The following MRPL11 variants were observed in gnomAD, a reference collection of about 807,000 sequenced individuals.
MRPL11 encodes mitochondrial ribosomal protein L11, also known as large ribosomal subunit protein uL11m.
Under a neutral mutation model 19.1 loss-of-function variants are expected in MRPL11, and 21 were observed. The ratio of observed to expected loss-of-function variants is 1.10; its 90% CI spans 0.78 to 1.58. MRPL11 has a LOEUF of 1.58. Ranked by LOEUF, MRPL11 falls within the 40% of genes most tolerant of loss-of-function variation. MRPL11 has a pLI of 0.00. For missense variants in MRPL11, 242 were observed against 243.9 expected (o/e 0.99, Z 0.05); for synonymous variants, 108 against 99.7 (o/e 1.08, Z -0.49).
chr11:66,438,521 G>A (rs1565248284), intron 1 of MRPL11, 111 bp downstream of exon 1: 3 of 1,394,720 alleles, frequency 2.2e-6, no homozygotes, highest in Non-Finnish European at 1.9e-6. Flanking sequence ...GAGAAGCAGA[G>A]CCGAGCTCTG....
chr11:66,437,319 C>A (rs1857000571), intron 3 of MRPL11, 31 bp downstream of exon 3: 1 of 1,614,184 alleles, frequency 6.2e-7, no homozygotes, highest in Admixed American at 1.7e-5. Context: ...CTGGAGCCCC[C>A]AGAATCTCAG....
Position 66,438,629 on chromosome 11 carries a change from C to T in MRPL11, c.123+3G>A, listed in dbSNP as rs1476491028. On this transcript the variant is annotated splice_donor_region_variant and intron_variant, in intron 1 of 4. Transcript: ENST00000310999. Reference sequence around the variant, plus strand: ...CCACGTCGGGTTCCCGCCACGGCCGCACCTGACCCAGCACTGGGCCTAGTG... The same window carrying T: ...CCACGTCGGGTTCCCGCCACGGCCGTACCTGACCCAGCACTGGGCCTAGTG... 6.6e-7 allele frequency: 1 copy of T among 1,514,128 alleles called. No homozygotes were observed. The highest frequency in any genetic ancestry group is 8.8e-7 in the Non-Finnish European group (1 of 1,130,842). 93.8% of individuals were successfully genotyped at this position (1,514,128 alleles called of 1,614,324 possible).
chr11:66,438,651 A>C lies in MRPL11; in HGVS notation c.104T>G (p.Leu35Arg), dbSNP rs2134663970. The change falls in exon 1 of 5, where the codon CTA becomes CGA. Residue 35 changes from leucine (L) to arginine (R), a missense_variant. Leu to Arg is a moderately radical substitution (Grantham distance 102). Coordinates refer to ENST00000310999, the MANE Select transcript of MRPL11 (RefSeq NM_016050.5). ...RAGLAMPGPP[L>R]GPVLGQRGVS... The stretch of plus-strand genomic sequence containing the variant: ...CCGCACCTGACCCAGCACTGGGCCT[A>C]GTGGGGGCCCGGGCATGGCCAGGCC... 9 of 1,555,938 alleles carry C rather than the reference A, an allele frequency of 5.8e-6. No individual in the cohort carries two copies. The highest frequency in any genetic ancestry group is 7.8e-6 in the Non-Finnish European group (9 of 1,149,046).
In MRPL11 at chr11:66,438,616, C is replaced by A; in HGVS notation, c.123+16G>T. ...TCCTAGACAACCCCCACGTCGGGTTCCCGCCACGGCCGCACCTGACCCAGC... is the reference window on the plus strand; with the variant it reads ...TCCTAGACAACCCCCACGTCGGGTTACCGCCACGGCCGCACCTGACCCAGC... On this transcript the variant is annotated intron_variant, in intron 1 of 4. Coordinates refer to ENST00000310999, the MANE Select transcript of MRPL11 (RefSeq NM_016050.5). The A allele has an allele frequency of 6.7e-7, 1 of 1,495,118 alleles. No individual in the cohort carries two copies. Among genetic ancestry groups the A allele is most frequent in the Non-Finnish European group, 8.9e-7 (1 of 1,122,192 alleles). The allele number at this position is 1,495,118 out of a possible 1,614,324, so 92.6% of individuals were successfully genotyped here.
chr11:66,438,657 G>A lies in MRPL11; in HGVS notation c.98C>T (p.Pro33Leu), dbSNP rs771124040. ...IVRAGLAMPG[P>L]PLGPVLGQRG... ...CTGACCCAGCACTGGGCCTAGTGGG[G>A]GCCCGGGCATGGCCAGGCCTGCCCG... Residue 33 changes from proline to leucine, a missense_variant, in exon 1 of 5, where the codon CCC becomes CTC. Physicochemically the swap from Pro to Leu is moderately conservative, Grantham distance 98 (BLOSUM62 -3). Coordinates refer to ENST00000310999, the MANE Select transcript of MRPL11 (RefSeq NM_016050.5). The A allele has an allele frequency of 1.9e-6, 3 of 1,560,312 alleles. No homozygotes were observed. The highest frequency in any genetic ancestry group is 2.6e-6 in the Non-Finnish European group (3 of 1,150,916).
chr11:66,436,064 G>C lies in MRPL11; in HGVS notation c.522C>G (p.Phe174Leu), dbSNP rs1856961405. The change falls in exon 5 of 5, where the codon TTC becomes TTG. Residue 174 changes from phenylalanine to leucine, a missense_variant. Transcript: ENST00000310999. Reference sequence around the variant, plus strand: ...AATCTGCCTCCTTCTGAGCAGCCAGGAAGATGGCTCGTTCCTTCTGGAAAG... The same window carrying C: ...AATCTGCCTCCTTCTGAGCAGCCAGCAAGATGGCTCGTTCCTTCTGGAAAG... ...LAAFQKERAI[F>L]LAAQKEADLA... The C allele has an allele frequency of 6.2e-7, 1 of 1,613,948 alleles. No individual in the cohort carries two copies. Among genetic ancestry groups the C allele is most frequent in the African/African-American group, 1.3e-5 (1 of 74,926 alleles).
intron 4 of MRPL11, 115 bp from the exon 5 acceptor site, chr11:66,436,227 T>A: frequency 1.3e-6 from 1 of 759,790 alleles, no homozygotes; most frequent in Non-Finnish European, 2.2e-6. Flanking sequence ...CCAGCTTGCC[T>A]GGCCCCTTCT....
At chr11:66,437,700 C>T (rs1226664783) in intron 2 of MRPL11, among the ~76,000 whole-genome samples, 2 of 152,166 alleles carry the variant, frequency 1.3e-5, no homozygotes, top group South Asian at 4.1e-4. Context: ...TGGTGAAACC[C>T]CATCTCTACT....
In MRPL11 at chr11:66,436,065, A is replaced by G. The variant is rs1402249259; in HGVS notation, c.521T>C (p.Phe174Ser). 1 of 1,614,074 alleles carries G rather than the reference A, an allele frequency of 6.2e-7. No individual in the cohort carries two copies. The highest frequency in any genetic ancestry group is 1.3e-5 in the African/African-American group (1 of 75,050). ...LAAFQKERAI[F>S]LAAQKEADLA... ...ATCTGCCTCCTTCTGAGCAGCCAGG[A>G]AGATGGCTCGTTCCTTCTGGAAAGC... Residue 174 changes from phenylalanine to serine, a missense_variant, in exon 5 of 5, where the codon TTC (phenylalanine) becomes TCC (serine). By Grantham distance (155) the Phe-to-Ser change is radical (BLOSUM62 -2). Coordinates refer to ENST00000310999, the MANE Select transcript of MRPL11 (RefSeq NM_016050.5).
rs1342508521 is a variant in MRPL11 at position 66,435,516 on chromosome 11, T to C, written c.*491A>G. The C allele has an allele frequency of 1.3e-5, 2 of 153,374 alleles. No individual in the cohort carries two copies. The highest frequency in any genetic ancestry group is 6.5e-5 in the Admixed American group (1 of 15,452). 9.5% of individuals were successfully genotyped at this position (153,374 alleles called of 1,614,324 possible). On this transcript the variant is annotated 3_prime_UTR_variant, in exon 5 of 5. Coordinates refer to ENST00000310999, the MANE Select transcript of MRPL11 (RefSeq NM_016050.5). The stretch of plus-strand genomic sequence containing the variant: ...AGTTGTTCAGAGATAAAAGAGATTT[T>C]TGATGGAAGAAGTAAGCAATACACC...
rs758285160 is a variant in MRPL11 at position 66,437,215 on chromosome 11, G to A, written c.362C>T (p.Ala121Val). Reference sequence around the variant, plus strand: ...TGCCTCATCCTGAGCTTTGATGCGGGCAATCTCATACACATGCTTCAAGGT... The same window carrying A: ...TGCCTCATCCTGAGCTTTGATGCGGACAATCTCATACACATGCTTCAAGGT... Reference protein sequence around the residue: ...LVTLKHVYEIARIKAQDEAFA... With the variant: ...LVTLKHVYEIVRIKAQDEAFA... The change falls in exon 4 of 5, where the codon GCC (alanine) becomes GTC (valine). Residue 121 changes from alanine to valine, a missense_variant. Coordinates refer to ENST00000310999, the MANE Select transcript of MRPL11 (RefSeq NM_016050.5). 13 of 1,614,194 alleles carry A rather than the reference G, an allele frequency of 8.1e-6. No individual in the cohort carries two copies. Among genetic ancestry groups the A allele is most frequent in the Non-Finnish European group, 1.1e-5 (13 of 1,180,032 alleles).
intron 4 of MRPL11, 95 bp from the exon 5 acceptor site, chr11:66,436,207 G>T: frequency 9.9e-7 from 1 of 1,008,372 alleles, no homozygotes; most frequent in Non-Finnish European, 1.5e-6. Context: ...AGGGGCCCCT[G>T]TCTCCAAGCC....
chr11:66,438,798 G>C lies in MRPL11; in HGVS notation c.-44C>G, dbSNP rs1857046471. On this transcript the variant is annotated 5_prime_UTR_variant, in exon 1 of 5. Transcript: ENST00000310999. ...TCAGTTCACCTCAGGGGAGCAGCAA[G>C]AGCGAAGCTCTGGGCGCCACCATCT... 18 of 1,446,404 alleles carry C rather than the reference G, an allele frequency of 1.2e-5. No individual in the cohort carries two copies. The highest frequency in any genetic ancestry group is 1.6e-5 in the Non-Finnish European group (17 of 1,093,016). 89.6% of individuals were successfully genotyped at this position (1,446,404 alleles called of 1,614,324 possible).
Position 66,438,247 on chromosome 11 carries a change from T to C in MRPL11, c.136A>G (p.Ile46Val), listed in dbSNP as rs1857027961. Residue 46 changes from isoleucine (I) to valine (V), a missense_variant, in exon 2 of 5, where the codon ATC becomes GTC. Transcript: ENST00000310999. ...GPVLGQRGVS[I>V]NQFCKEFNER... ...TTGAACTCCTTGCAAAACTGGTTGA[T>C]GGAAACGCCTCTCTGTGAGGGAAGC... 7 of 1,613,698 alleles carry C rather than the reference T, an allele frequency of 4.3e-6. No homozygotes were observed. The highest frequency in any genetic ancestry group is 5.9e-6 in the Non-Finnish European group (7 of 1,179,636).
At position 66,437,235 on chromosome 11, in the gene MRPL11, C is replaced by T. The variant is rs757511575; in HGVS notation, c.342G>A (p.Leu114=). 11 of 1,614,058 alleles carry T rather than the reference C, an allele frequency of 6.8e-6. No homozygotes were observed. In the African/African-American group the frequency reaches 1.3e-4, roughly 20 times the overall value. The stretch of plus-strand genomic sequence containing the variant: ...TGCGGGCAATCTCATACACATGCTT[C>T]AAGGTCACCAGGCCTGCCACCTCTT... ...TGKEVAGLVT[L]KHVYEIARIK... is the part of the protein sequence containing the mutation. Residue 114 remains leucine, a synonymous_variant, in exon 4 of 5, where the codon TTG becomes TTA. Transcript: ENST00000310999.
In MRPL11 at chr11:66,438,691, C is replaced by T. The variant is rs750219652; in HGVS notation, c.64G>A (p.Ala22Thr). The T allele has an allele frequency of 6.9e-6, 11 of 1,584,582 alleles. No homozygotes were observed. The highest frequency in any genetic ancestry group is 9.4e-6 in the Non-Finnish European group (11 of 1,164,110). The stretch of plus-strand genomic sequence containing the variant: ...ATGGCCAGGCCTGCCCGCACGATCG[C>T]CCGGATCACACCGCCGACCTCGGGC... ...RKPEVGGVIR[A>T]IVRAGLAMPG... Residue 22 changes from alanine to threonine, a missense_variant, in exon 1 of 5, where the codon GCG (alanine) becomes ACG (threonine). Coordinates refer to ENST00000310999, the MANE Select transcript of MRPL11 (RefSeq NM_016050.5).
At chr11:66,437,317 C>T (rs1590703296) in intron 3 of MRPL11, 33 bp downstream of exon 3, 1 of 1,613,998 alleles carries the variant, frequency 6.2e-7, no homozygotes, top group Non-Finnish European at 8.5e-7. Context: ...TTCTGGAGCC[C>T]CCAGAATCTC....
chr11:66,436,478 T>A (rs1028026109), intron 4 of MRPL11, among the ~76,000 whole-genome samples: 3 of 151,780 alleles, frequency 2.0e-5, no homozygotes, highest in Non-Finnish European at 4.4e-5. Flanking sequence ...TTTACCCATC[T>A]CCATGCTCCC....
At chr11:66,438,398 C>A (rs1029538844) in intron 1 of MRPL11, 139 bp from the exon 2 acceptor site, 13 of 886,210 alleles carry the variant, frequency 1.5e-5, no homozygotes, top group Middle Eastern at 2.6e-4. Context: ...CCTCCGTGAG[C>A]CAGAAGATCG....
Sources: allele counts gnomAD v4.1 joint callset (sites outside exome capture counted in the v4.1 genomes callset), GRCh38; gene constraint gnomAD v4.1.1; transcripts MANE v1.5; gene names NCBI Gene and HGNC (gene_info 2026-07-23, HGNC 2026-07-21).